ARHGEF11: variants seen among roughly 807,000 people sequenced by gnomAD.
ARHGEF11 encodes Rho guanine exchange factor (GEF) 11.
ARHGEF11 carries 55 observed loss-of-function variants against 193.7 expected under a neutral mutation model. That is an observed-to-expected ratio of 0.28 (90% CI 0.23 to 0.36). ARHGEF11 has a LOEUF of 0.36. Ranked by LOEUF, ARHGEF11 falls within the 10% of genes least tolerant of loss-of-function variation. The pLI, the probability that ARHGEF11 is intolerant of heterozygous loss-of-function variation, is 1.00. For synonymous variants in ARHGEF11, 693 were observed against 768.0 expected, an observed-to-expected ratio of 0.90 and a Z score of 1.62; for missense variants, 1,723 against 2,005.6, an observed-to-expected ratio of 0.86 and a Z score of 2.69.
intron 1 of ARHGEF11, among the ~76,000 whole-genome samples, chr1:157,034,172 A>G (rs1671628411): frequency 6.6e-6 from 1 of 152,098 alleles, no homozygotes; most frequent in Non-Finnish European, 1.5e-5. Flanking sequence ...CTGTGGTTCT[A>G]GCTGCACACA....
At chr1:157,038,990 A>C (rs1672406745) in intron 1 of ARHGEF11, among the ~76,000 whole-genome samples, 1 of 152,174 alleles carries the variant, frequency 6.6e-6, no homozygotes, top group South Asian at 2.1e-4. Context: ...ACTGCACTCC[A>C]GCCTGGGCGA....
At chr1:156,983,770 G>A (rs919161432) in intron 3 of ARHGEF11, among the ~76,000 whole-genome samples, 2 of 152,178 alleles carry the variant, frequency 1.3e-5, no homozygotes, top group African/African-American at 4.8e-5. Flanking sequence ...CTTCCCAAAT[G>A]ATCACAAGGA....
Position 156,955,758 on chromosome 1 carries a change from C to A in ARHGEF11, c.1713G>T (p.Lys571Asn). The A allele has an allele frequency of 6.2e-7, 1 of 1,614,216 alleles. No homozygotes were observed. Among genetic ancestry groups the A allele is most frequent in the Non-Finnish European group, 8.5e-7 (1 of 1,180,024 alleles). Residue 571 changes from lysine (K) to asparagine (N), a missense_variant, in exon 20 of 41, where the codon AAG becomes AAT. Physicochemically the swap from Lys to Asn is moderately conservative, Grantham distance 94 (BLOSUM62 0). Around this residue, in one of 5 missense-constraint regions of ARHGEF11, gnomAD observed 491 missense variants for 654.5 expected, o/e 0.75. Coordinates refer to ENST00000368194, the MANE Select transcript of ARHGEF11 (RefSeq NM_198236.3). Reference protein sequence around the residue: ...SKKEKDALEDKKRNPILKYIG... With the variant: ...SKKEKDALEDNKRNPILKYIG... ...TGTATTTGAGGATAGGGTTTCGCTT[C>A]TTGTCCTCCAAGGCATCCTTTTCTT...
intron 9 of ARHGEF11, 33 bp downstream of exon 9, chr1:156,969,965 T>A (rs770714874): frequency 1.2e-6 from 2 of 1,611,000 alleles, no homozygotes; most frequent in Non-Finnish European, 1.7e-6. Flanking sequence ...ACTAGAGATA[T>A]GCCAGAGAAA....
chr1:156,964,685 A>G (rs971595080), intron 11 of ARHGEF11, among the ~76,000 whole-genome samples: 9 of 152,316 alleles, frequency 5.9e-5, no homozygotes, highest in African/African-American at 2.2e-4. Flanking sequence ...AATTGAAAAA[A>G]GTGAGGCCCA....
rs763483544 is a variant in ARHGEF11, at chr1:156,956,549, G to A, written c.1542C>T (p.Phe514=). ...YEEDRSAPMD[F]ALNTYMSHAG... ...CATGGCTCATGTAGGTATTGAGGGC[G>A]AAGTCCATGGGGGCGCTGTAAAAGA... is the stretch of plus-strand genomic sequence containing the variant. The change falls in exon 19 of 41, where the codon TTC becomes TTT. Residue 514 remains phenylalanine (F), a synonymous_variant. Transcript: ENST00000368194. 5.6e-6 allele frequency: 9 copies of A among 1,614,172 alleles called. No individual in the cohort carries two copies. The highest frequency in any genetic ancestry group is 3.3e-5 in the South Asian group (3 of 91,074).
At chr1:157,034,825 A>C (rs1488100585) in intron 1 of ARHGEF11, among the ~76,000 whole-genome samples, 1 of 152,214 alleles carries the variant, frequency 6.6e-6, no homozygotes, top group Non-Finnish European at 1.5e-5. Context: ...TATTTTATAC[A>C]AGCAAATAAG....
At chr1:156,993,137 A>C (rs1008359859) in intron 1 of ARHGEF11, among the ~76,000 whole-genome samples, 4 of 152,238 alleles carry the variant, frequency 2.6e-5, no homozygotes, top group Admixed American at 1.3e-4. Context: ...CAGGTAGTAC[A>C]TCCCCATTTT....
chr1:157,017,038 T>C (rs1211385916), intron 1 of ARHGEF11, among the ~76,000 whole-genome samples: 2 of 151,928 alleles, frequency 1.3e-5, no homozygotes, highest in South Asian at 2.1e-4. Context: ...AAAAAGAAAA[T>C]AGGAAGGAGA....
chr1:157,017,744 A>ACTGTGTTTT (rs1669458295), intron 1 of ARHGEF11, among the ~76,000 whole-genome samples: 1 of 149,342 alleles, frequency 6.7e-6, no homozygotes. Flanking sequence ...AACGGAGAAG[A>ACTGTGTTTT]GGATTTAATA....
chr1:156,957,918 G>C, intron 17 of ARHGEF11, 103 bp from the exon 18 acceptor site: 1 of 1,074,764 alleles, frequency 9.3e-7, no homozygotes, highest in Non-Finnish European at 1.4e-6. Flanking sequence ...TGAAAGGAGG[G>C]TTAGTGGGGG....
At chr1:156,996,703 G>A (rs1557925595) in intron 1 of ARHGEF11, among the ~76,000 whole-genome samples, 1 of 148,348 alleles carries the variant, frequency 6.7e-6, no homozygotes. Context: ...AACCCGGGGG[G>A]CGGAGCTTGC....
intron 1 of ARHGEF11, among the ~76,000 whole-genome samples, chr1:157,023,296 G>C (rs1264853256): frequency 2.6e-5 from 4 of 152,010 alleles, no homozygotes; most frequent in African/African-American, 7.2e-5. Flanking sequence ...CAACAATAAA[G>C]GGACGAATAA....
intron 18 of ARHGEF11, 53 bp from the exon 19 acceptor site, chr1:156,956,617 T>A: frequency 6.2e-7 from 1 of 1,607,772 alleles, no homozygotes; most frequent in Non-Finnish European, 8.5e-7. Context: ...ATCTTCCCTG[T>A]GCCAAACAAT....
intron 1 of ARHGEF11, among the ~76,000 whole-genome samples, chr1:157,035,785 T>C (rs1268245746): frequency 8.2e-6 from 1 of 122,578 alleles, no homozygotes; most frequent in Non-Finnish European, 1.8e-5. Flanking sequence ...GGAATATATA[T>C]ATATAGGAAT....
At chr1:156,960,573 C>T (rs1026411988) in intron 14 of ARHGEF11, 113 bp from the exon 15 acceptor site, 16 of 885,086 alleles carry the variant, frequency 1.8e-5, no homozygotes, top group Non-Finnish European at 2.9e-5. Flanking sequence ...TTTTCGCCTA[C>T]ATCTGCCTAC....
At chr1:156,984,891 C>G (rs950510579) in intron 2 of ARHGEF11, among the ~76,000 whole-genome samples, 2 of 151,994 alleles carry the variant, frequency 1.3e-5, no homozygotes, top group African/African-American at 4.8e-5. Flanking sequence ...CTTGTTGATT[C>G]TTTTTATAGA....
rs868165237 is a variant in ARHGEF11 at position 156,967,908 on chromosome 1, C to T, written c.963+79G>A. On this transcript the variant is annotated intron_variant, in intron 11 of 40. Transcript: ENST00000368194. ...AGGGGTTTAGTCTGATGATCCAAGA[C>T]GATGTACTGGTAACACCCATGCCTC... 2.5e-6 allele frequency: 4 copies of T among 1,601,364 alleles called. No homozygotes were observed. The African/African-American group carries it at 4.0e-5, about 16-fold the overall frequency.
At chr1:157,046,092 C>G (rs1248325773), upstream of ARHGEF11, among the ~76,000 whole-genome samples, 3 of 151,218 alleles carry the variant, frequency 2.0e-5, no homozygotes, top group Non-Finnish European at 4.4e-5. Context: ...GCTCCTCGGC[C>G]GGTCCCCTCT....
Sources: gnomAD v4.1 joint callset for allele counts (sites outside exome capture counted in the v4.1 genomes callset) on GRCh38, gnomAD v4.1.1 for gene constraint, gnomAD v4.1.1 regional missense constraint, MANE v1.5 for transcripts, NCBI Gene and HGNC (gene_info 2026-07-23, HGNC 2026-07-21) for gene names.